Variants in FBXL17 observed in about 807,000 individuals in gnomAD.
FBXL17 encodes the protein F-box/LRR-repeat protein 17.
FBXL17 carries 22 observed loss-of-function variants against 66.2 expected under a neutral mutation model. The observed-to-expected ratio is 0.33, with a 90% CI of 0.24 to 0.47. The LOEUF is 0.47. Among genes scored for constraint, FBXL17 ranks in the 20% least tolerant of loss-of-function variants. FBXL17 has a pLI of 1.00. For synonymous variants in FBXL17, 474 were observed against 400.5 expected, an observed-to-expected ratio of 1.18 and a Z score of -2.19; for missense variants, 878 against 948.2, an observed-to-expected ratio of 0.93 and a Z score of 0.97.
At position 108,381,173 on chromosome 5, in the gene FBXL17, G is replaced by A; in HGVS notation, c.519C>T (p.Pro173=). The change falls in exon 1 of 9, where the codon CCC becomes CCT. Residue 173 remains proline (P), a synonymous_variant. Transcript: ENST00000542267. ...GCCCCCGGAAGAGCTGCACGGCGGCGGGCGGCCCCAGGAAGCGCACCGGCC... is the reference window on the plus strand; with the variant it reads ...GCCCCCGGAAGAGCTGCACGGCGGCAGGCGGCCCCAGGAAGCGCACCGGCC... ...SLGPVRFLGP[P]AAVQLFRGPT... 1 of 1,429,922 alleles carries A rather than the reference G, an allele frequency of 7.0e-7. No homozygotes were observed. Among genetic ancestry groups the A allele is most frequent in the South Asian group, 1.4e-5 (1 of 71,416 alleles). 88.6% of individuals were successfully genotyped at this position (1,429,922 alleles called of 1,614,324 possible).
intron 7 of FBXL17, among the ~76,000 whole-genome samples, chr5:107,971,097 G>A (rs541021965): frequency 2.0e-5 from 3 of 152,278 alleles, no homozygotes; most frequent in African/African-American, 7.2e-5. Flanking sequence ...ATTGATATAT[G>A]AGGGAACAAT....
At chr5:108,353,358 C>A (rs1747766972) in intron 3 of FBXL17, among the ~76,000 whole-genome samples, 1 of 152,086 alleles carries the variant, frequency 6.6e-6, no homozygotes, top group African/African-American at 2.4e-5. Context: ...CTGAACTCTG[C>A]ATTTGACAAA....
chr5:108,302,145 G>T, intron 4 of FBXL17: 1 of 317,494 alleles, frequency 3.1e-6, no homozygotes, highest in Non-Finnish European at 4.6e-6. Context: ...GTCATCCAAT[G>T]CAACTAAATT....
intron 7 of FBXL17, among the ~76,000 whole-genome samples, chr5:107,909,192 G>A (rs943470856): frequency 2.0e-5 from 3 of 152,206 alleles, no homozygotes; most frequent in Middle Eastern, 3.4e-3. Context: ...CAGTCAGACC[G>A]TTTTGAAGGC....
At chr5:108,024,791 C>G (rs1351941088) in intron 6 of FBXL17, among the ~76,000 whole-genome samples, 2 of 152,046 alleles carry the variant, frequency 1.3e-5, no homozygotes, top group South Asian at 4.1e-4. Flanking sequence ...GCACCTGAAA[C>G]ATTTGATGAA....
chr5:108,294,043 C>CAAAAAA (rs71624893), intron 4 of FBXL17, among the ~76,000 whole-genome samples: 9 of 51,124 alleles, frequency 1.8e-4, no homozygotes, highest in African/African-American at 3.0e-4. Flanking sequence ...TCTTGTCTCA[C>CAAAAAA]AAAAAAAAAA....
chr5:107,991,771 G>A (rs1753260690), intron 7 of FBXL17, among the ~76,000 whole-genome samples: 3 of 152,218 alleles, frequency 2.0e-5, no homozygotes, highest in South Asian at 2.1e-4. Context: ...CTTATGCTGG[G>A]AGAAGAACAA....
At chr5:108,091,411 T>C (rs1302018548) in intron 6 of FBXL17, among the ~76,000 whole-genome samples, 1 of 152,230 alleles carries the variant, frequency 6.6e-6, no homozygotes, top group African/African-American at 2.4e-5. Flanking sequence ...AAAGATCGCA[T>C]TTCTCTGTTT....
intron 6 of FBXL17, among the ~76,000 whole-genome samples, chr5:108,128,023 A>G (rs1478497998): frequency 6.6e-6 from 1 of 152,058 alleles, no homozygotes; most frequent in Non-Finnish European, 1.5e-5. Context: ...TGGCGGGTGG[A>G]TAACTTGAGT....
intron 7 of FBXL17, among the ~76,000 whole-genome samples, chr5:107,896,210 A>C (rs1052192201): frequency 1.3e-5 from 2 of 152,184 alleles, no homozygotes; most frequent in African/African-American, 4.8e-5. Context: ...TTTAAGAATT[A>C]TGAAGTTAAA....
intron 5 of FBXL17, among the ~76,000 whole-genome samples, chr5:108,188,882 A>G (rs959921262): frequency 5.3e-5 from 8 of 152,188 alleles, no homozygotes; most frequent in Non-Finnish European, 1.0e-4. Flanking sequence ...AGACAGACAA[A>G]TAAAATACAA....
intron 3 of FBXL17, among the ~76,000 whole-genome samples, chr5:108,354,401 C>T (rs1358811910): frequency 1.3e-5 from 2 of 151,676 alleles, no homozygotes; most frequent in Non-Finnish European, 1.5e-5. Context: ...AGGAAAAAGT[C>T]TGAGTTTGAG....
At position 108,317,192 on chromosome 5, in the gene FBXL17, G is replaced by T. The variant is rs78599206; in HGVS notation, c.1506+31207C>A. ...ATAAAACATGTAAAGTTAACAAATC[G>T]GTTCCCCCAAAATCAAACCCATATA... is the stretch of plus-strand genomic sequence containing the variant. On this transcript the variant is annotated intron_variant, in intron 4 of 8. Transcript: ENST00000542267. Among the ~76,000 whole-genome samples the T allele has an allele frequency of 9.0e-3, 1,361 of 151,046 alleles. 21 individuals are homozygous for T. The highest frequency in any genetic ancestry group is 0.03 in the African/African-American group (1,237 of 41,340).
chr5:108,230,951 TA>T (rs33911384), intron 4 of FBXL17, among the ~76,000 whole-genome samples: 68,363 of 151,584 alleles, frequency 0.45, 15,719 homozygotes, highest in Non-Finnish European at 0.5. Flanking sequence ...AAATTTTTTT[TA>T]AAAAAAAGCA....
At chr5:107,902,953 A>C (rs1749623963) in intron 7 of FBXL17, among the ~76,000 whole-genome samples, 2 of 152,312 alleles carry the variant, frequency 1.3e-5, no homozygotes, top group Admixed American at 6.5e-5. Context: ...TGACTGAATA[A>C]AAAGTGAAGA....
intron 7 of FBXL17, among the ~76,000 whole-genome samples, chr5:107,931,939 A>T (rs890501432): frequency 8.5e-5 from 13 of 152,174 alleles, no homozygotes; most frequent in African/African-American, 2.9e-4. Flanking sequence ...CTAGCTTATT[A>T]ATCACTGGTT....
At position 107,999,452 on chromosome 5, in the gene FBXL17, A is replaced by AACACACAC. The variant is rs55900474; in HGVS notation, c.1822+21465_1822+21472dup. Among the ~76,000 whole-genome samples, 299 of 144,528 alleles carry AACACACAC rather than the reference A, an allele frequency of 2.1e-3. 1 individual carries two copies. Among genetic ancestry groups the AACACACAC allele is most frequent in the East Asian group, 7.8e-3 (38 of 4,878 alleles). 94.8% of individuals were successfully genotyped at this position (144,528 alleles called of 152,430 possible). On this transcript the variant is annotated intron_variant, in intron 7 of 8. Transcript: ENST00000542267. ...CTTTTTTTTTTTTACTTTTGTCAGA[A>AACACACAC]ACACACACACACACACACACACACA...
At chr5:108,317,257 T>C (rs1426464542) in intron 4 of FBXL17, among the ~76,000 whole-genome samples, 1 of 151,332 alleles carries the variant, frequency 6.6e-6, no homozygotes. Flanking sequence ...ATCTTCCTCA[T>C]AACTTTTTAA....
rs780526268 is a variant in FBXL17 at position 107,881,093 on chromosome 5, G to A, written c.1909C>T (p.Leu637=). ...AGAGACTTGCTGCTCTGTGCAATCAGGGTGGCTCCTTGGTCTGTGATTTCT... is the reference window on the plus strand; with the variant it reads ...AGAGACTTGCTGCTCTGTGCAATCAAGGTGGCTCCTTGGTCTGTGATTTCT... ...CKEITDQGAT[L]IAQSSKSLRY... The change falls in exon 8 of 9, where the codon CTG becomes TTG. Residue 637 remains leucine, a synonymous_variant. Coordinates refer to ENST00000542267, the MANE Select transcript of FBXL17 (RefSeq NM_001163315.3). 3 of 1,614,060 alleles carry A rather than the reference G, an allele frequency of 1.9e-6. No homozygotes were observed. In the South Asian group the frequency reaches 3.3e-5, roughly 18 times the overall value.
Sources: gnomAD v4.1 joint callset for allele counts (sites outside exome capture counted in the v4.1 genomes callset) on GRCh38, gnomAD v4.1.1 for gene constraint, MANE v1.5 for transcripts, NCBI Gene and HGNC (gene_info 2026-07-23, HGNC 2026-07-21) for gene names.